The following HEATR5B variants were observed in gnomAD, a reference collection of about 807,000 sequenced individuals.
The protein encoded by HEATR5B is HEAT repeat containing 5B.
A neutral mutation model predicts 224.1 loss-of-function variants in HEATR5B; 156 were observed. The ratio of observed to expected loss-of-function variants is 0.70; its 90% CI spans 0.61 to 0.80. HEATR5B has a LOEUF of 0.80. HEATR5B is among the 30% of genes least tolerant of loss of function. The probability of loss-of-function intolerance (pLI) is 0.00; values close to 1 mark genes in which losing one functional copy is unlikely to be tolerated. For synonymous variants in HEATR5B, 1,027 were observed against 893.0 expected, an observed-to-expected ratio of 1.15 and a Z score of -2.68; for missense variants, 2,323 against 2,535.5, an observed-to-expected ratio of 0.92 and a Z score of 1.80.
rs764726800 is a variant in HEATR5B, at chr2:37,002,387, G to A, written c.5236C>T (p.Arg1746Ter). ...DSPSHIATKT[R>*]LSEESARLVA... ...AAACGAGCACTTTCTTCTGATAGTC[G>A]AGTTTTAGTGGCTATGTGACTTGGA... The change falls in exon 32 of 36, where the codon CGA becomes TGA. Residue 1746 changes from arginine (R) to a stop codon, truncating the protein, a stop_gained. Coordinates refer to ENST00000233099, the MANE Select transcript of HEATR5B (RefSeq NM_019024.3). LOFTEE classifies it high-confidence loss of function. 3.7e-6 allele frequency: 6 copies of A among 1,614,020 alleles called. No individual in the cohort carries two copies. Among genetic ancestry groups the A allele is most frequent in the South Asian group, 1.1e-5 (1 of 91,088 alleles).
intron 35 of HEATR5B, among the ~76,000 whole-genome samples, chr2:36,984,215 A>AAAAAAAAAAAAAAAAAT: frequency 9.0e-5 from 7 of 77,638 alleles, no homozygotes; most frequent in African/African-American, 3.5e-4. Flanking sequence ...AAAAAAAAAA[A>AAAAAAAAAAAAAAAAAT]ATATATATAT....
At chr2:36,992,334 A>G (rs1291290143) in intron 33 of HEATR5B, among the ~76,000 whole-genome samples, 1 of 152,220 alleles carries the variant, frequency 6.6e-6, no homozygotes, top group Non-Finnish European at 1.5e-5. Context: ...TAATCCCAGC[A>G]CTTTGGGAAA....
intron 21 of HEATR5B, among the ~76,000 whole-genome samples, chr2:37,033,412 G>A (rs1481252642): frequency 6.6e-6 from 1 of 152,062 alleles, no homozygotes; most frequent in Non-Finnish European, 1.5e-5. Flanking sequence ...TTTACACATG[G>A]TCCTATTCAA....
chr2:37,059,466 T>TA (rs1558358885), intron 12 of HEATR5B, among the ~76,000 whole-genome samples: 8 of 106,658 alleles, frequency 7.5e-5, no homozygotes, highest in South Asian at 3.2e-4. Context: ...ATATATATAT[T>TA]TTTTTTTTTT....
chr2:37,008,643 G>A lies in HEATR5B; in HGVS notation c.4490C>T (p.Pro1497Leu). 6.2e-7 allele frequency: 1 copy of A among 1,613,946 alleles called. No individual in the cohort carries two copies. Among genetic ancestry groups the A allele is most frequent in the Non-Finnish European group, 8.5e-7 (1 of 1,179,864 alleles). Reference sequence around the variant, plus strand: ...AGGAAGCTGACTAGAAAATTCGGCTGGTAAAGTCAAGAGTGCATAATCTTT... The same window carrying A: ...AGGAAGCTGACTAGAAAATTCGGCTAGTAAAGTCAAGAGTGCATAATCTTT... ...ALKDYALLTL[P>L]AEFSSQLPPD... is the part of the protein sequence containing the mutation. Residue 1497 changes from proline to leucine, a missense_variant, in exon 28 of 36, where the codon CCA becomes CTA. By Grantham distance (98) the Pro-to-Leu change is moderately conservative. Coordinates refer to ENST00000233099, the MANE Select transcript of HEATR5B (RefSeq NM_019024.3).
chr2:37,063,215 G>T (rs774353449), intron 10 of HEATR5B, among the ~76,000 whole-genome samples: 1 of 152,060 alleles, frequency 6.6e-6, no homozygotes, highest in Non-Finnish European at 1.5e-5. Flanking sequence ...CACTGTTCTC[G>T]GTACTTTGCT....
chr2:37,036,309 T>C (rs1340470580), intron 21 of HEATR5B, among the ~76,000 whole-genome samples: 5 of 152,214 alleles, frequency 3.3e-5, no homozygotes, highest in South Asian at 4.1e-4. Flanking sequence ...AGTCTCATCA[T>C]TTCCTCTAGG....
Position 37,056,495 on chromosome 2 carries a change from C to T in HEATR5B, c.2344G>A (p.Asp782Asn). 1.2e-6 allele frequency: 2 copies of T among 1,613,130 alleles called. No homozygotes were observed. The highest frequency in any genetic ancestry group is 1.7e-6 in the Non-Finnish European group (2 of 1,179,490). ...GPLPLGVSVI[D>N]ASVALFGVVF... ...ACACCAAAAAGGGCCACAGAAGCAT[C>T]AATGACTGAGACTCCGAGAGGGAGG... The change falls in exon 16 of 36, where the codon GAT (aspartate) becomes AAT (asparagine). Residue 782 changes from aspartate to asparagine, a missense_variant. Physicochemically the swap from Asp to Asn is conservative, Grantham distance 23. Around this residue, in one of 12 missense-constraint regions of HEATR5B, gnomAD observed 170 missense variants for 216.7 expected, o/e 0.78. Transcript: ENST00000233099.
intron 27 of HEATR5B, among the ~76,000 whole-genome samples, chr2:37,013,345 T>TA (rs1246381371): frequency 2.9e-5 from 3 of 102,932 alleles, no homozygotes; most frequent in Non-Finnish European, 6.8e-5. Context: ...TAATTATATA[T>TA]TTTTTAAAGT....
chr2:37,032,887 T>TTG (rs1669223950), intron 21 of HEATR5B, 114 bp from the exon 22 acceptor site: 3 of 936,724 alleles, frequency 3.2e-6, no homozygotes, highest in South Asian at 2.1e-5. Flanking sequence ...TTGTTTTGTT[T>TTG]TTTTTTTTTT....
chr2:37,032,485 A>C, intron 22 of HEATR5B, 144 bp downstream of exon 22: 3 of 819,590 alleles, frequency 3.7e-6, no homozygotes, highest in East Asian at 2.7e-5. Flanking sequence ...CCACATTGGA[A>C]TTTTAAAAGT....
chr2:37,045,080 A>G (rs1670105927), intron 18 of HEATR5B, among the ~76,000 whole-genome samples: 1 of 152,156 alleles, frequency 6.6e-6, no homozygotes, highest in African/African-American at 2.4e-5. Flanking sequence ...GGCTGTTTTT[A>G]CAAATTCCTT....
At chr2:37,058,358 T>G (rs1019005985) in intron 14 of HEATR5B, 93 bp downstream of exon 14, 2 of 722,524 alleles carry the variant, frequency 2.8e-6, no homozygotes, top group Admixed American at 2.2e-5. Flanking sequence ...CTTTGCACAG[T>G]AAGTCAGTGG....
At chr2:37,003,768 C>T (rs994264615) in intron 30 of HEATR5B, 82 bp from the exon 31 acceptor site, 6 of 961,908 alleles carry the variant, frequency 6.2e-6, no homozygotes, top group Middle Eastern at 2.3e-4. Flanking sequence ...GAGAAAATAC[C>T]TATGTAAAAA....
At chr2:37,029,810 G>C (rs1669005780) in intron 22 of HEATR5B, among the ~76,000 whole-genome samples, 1 of 151,800 alleles carries the variant, frequency 6.6e-6, no homozygotes, top group Non-Finnish European at 1.5e-5. Flanking sequence ...GCAGTGGCAG[G>C]TGCCTGTAAT....
chr2:37,014,087 A>G, intron 26 of HEATR5B, 67 bp from the exon 27 acceptor site: 1 of 914,650 alleles, frequency 1.1e-6, no homozygotes, highest in Non-Finnish European at 1.6e-6. Context: ...AATGGAATAA[A>G]TGACTTTTTT....
intron 21 of HEATR5B, among the ~76,000 whole-genome samples, chr2:37,034,226 TC>T (rs1669325147): frequency 6.6e-6 from 1 of 150,686 alleles, no homozygotes; most frequent in African/African-American, 2.4e-5. Context: ...CAGGATGGTC[TC>T]CATCTCCTGA....
chr2:37,027,744 CAGA>C (rs1367232906), intron 24 of HEATR5B, among the ~76,000 whole-genome samples, 176 bp downstream of exon 24: 3 of 152,162 alleles, frequency 2.0e-5, no homozygotes, highest in Non-Finnish European at 4.4e-5. Context: ...CAATAGGAAT[CAGA>C]AGATGACTAG....
intron 18 of HEATR5B, among the ~76,000 whole-genome samples, chr2:37,047,035 C>CAAAAAAAAAAAAA (rs57343074): frequency 6.6e-5 from 3 of 45,420 alleles, no homozygotes; most frequent in African/African-American, 9.0e-5. Context: ...GACTCCACCT[C>CAAAAAAAAAAAAA]AAAAAAAAAA....
Sources: gnomAD v4.1 joint callset for allele counts (sites outside exome capture counted in the v4.1 genomes callset) on GRCh38, gnomAD v4.1.1 for gene constraint, gnomAD v4.1.1 regional missense constraint, MANE v1.5 for transcripts, NCBI Gene and HGNC (gene_info 2026-07-23, HGNC 2026-07-21) for gene names.